SLF1: variants seen among roughly 807,000 people sequenced by gnomAD.
SLF1 encodes SMC5/6 complex localization factor 1.
A neutral mutation model predicts 123.0 loss-of-function variants in SLF1; 105 were observed. That is an observed-to-expected ratio of 0.85 (90% CI 0.73 to 1.00). The LOEUF is 1.00. Among genes scored for constraint, SLF1 ranks in the 50% least tolerant of loss-of-function variants. The pLI, the probability that SLF1 is intolerant of heterozygous loss-of-function variation, is 0.00. For missense variants in SLF1, 1,239 were observed against 1,223.0 expected, an observed-to-expected ratio of 1.01 and a Z score of -0.20; for synonymous variants, 434 against 406.6, an observed-to-expected ratio of 1.07 and a Z score of -0.81.
intron 4 of SLF1, among the ~76,000 whole-genome samples, chr5:94,640,281 T>G (rs2152472251): frequency 6.6e-6 from 1 of 152,330 alleles, no homozygotes; most frequent in East Asian, 1.9e-4. Context: ...GACAGTTTTT[T>G]TCACTTTAAT....
At chr5:94,679,721 C>G (rs929701617) in intron 15 of SLF1, among the ~76,000 whole-genome samples, 1 of 152,026 alleles carries the variant, frequency 6.6e-6, no homozygotes, top group Non-Finnish European at 1.5e-5. Flanking sequence ...TTTCACTCTT[C>G]TTTTCTCCCC....
At chr5:94,628,736 T>G (rs1744889430) in intron 1 of SLF1, 75 bp from the exon 2 acceptor site, 2 of 943,404 alleles carry the variant, frequency 2.1e-6, no homozygotes, top group Non-Finnish European at 3.0e-6. Context: ...GTACTCATAG[T>G]TAAGAAAAAA....
At chr5:94,666,953 C>CTTTTTTTTTTTTTTTTTTTTTT (rs34215806) in intron 12 of SLF1, among the ~76,000 whole-genome samples, 1 of 104,618 alleles carries the variant, frequency 9.6e-6, no homozygotes, top group Non-Finnish European at 1.8e-5. Flanking sequence ...CTGGGAAGAT[C>CTTTTTTTTTTTTTTTTTTTTTT]TTTTTTTTTT....
At chr5:94,639,833 G>A (rs1379227150) in intron 4 of SLF1, among the ~76,000 whole-genome samples, 1 of 152,136 alleles carries the variant, frequency 6.6e-6, no homozygotes, top group Non-Finnish European at 1.5e-5. Flanking sequence ...CTGTCTCAAG[G>A]GTAGCAGAGG....
chr5:94,644,544 T>G (rs1045927962), intron 5 of SLF1, among the ~76,000 whole-genome samples: 2 of 152,154 alleles, frequency 1.3e-5, no homozygotes, highest in African/African-American at 4.8e-5. Flanking sequence ...TCTCCCAGTG[T>G]CTTAAATAAG....
At chr5:94,627,122 C>T (rs543503046) in intron 1 of SLF1, among the ~76,000 whole-genome samples, 2 of 152,188 alleles carry the variant, frequency 1.3e-5, no homozygotes, top group Middle Eastern at 3.4e-3. Context: ...TCACCAGTTG[C>T]GTGCTATTAG....
intron 15 of SLF1, among the ~76,000 whole-genome samples, chr5:94,680,218 C>G (rs532276021): frequency 6.6e-6 from 1 of 152,248 alleles, no homozygotes; most frequent in South Asian, 2.1e-4. Flanking sequence ...AGGATTTATT[C>G]GATGATGCCC....
At chr5:94,623,866 A>G (rs1792007045) in intron 1 of SLF1, among the ~76,000 whole-genome samples, 1 of 152,184 alleles carries the variant, frequency 6.6e-6, no homozygotes, top group African/African-American at 2.4e-5. Context: ...ATCAATCAGT[A>G]TATCTATACA....
In SLF1 at chr5:94,651,588, A is replaced by G. The variant is rs6871423; in HGVS notation, c.739-114A>G. ...CTTTACTCTATTTAACCTTGTATGT[A>G]TATTTTACAAAATCTATGTTCCTGG... On this transcript the variant is annotated intron_variant, in intron 6 of 20. Transcript: ENST00000265140. 4,233 of 759,446 alleles carry G rather than the reference A, an allele frequency of 5.6e-3. 137 individuals carry two copies. In the African/African-American group the frequency reaches 0.071, roughly 13 times the overall value. 47.0% of individuals were successfully genotyped at this position (759,446 alleles called of 1,614,324 possible).
intron 8 of SLF1, 123 bp downstream of exon 8, chr5:94,653,544 A>AC: frequency 1.2e-6 from 1 of 807,158 alleles, no homozygotes; most frequent in Non-Finnish European, 1.8e-6. Context: ...TGTAATATTC[A>AC]TAGTTAATAT....
Position 94,666,865 on chromosome 5 carries a change from G to A in SLF1, c.1532+841G>A, listed in dbSNP as rs113068471. Among the ~76,000 whole-genome samples, 548 of 151,288 alleles carry A rather than the reference G, an allele frequency of 3.6e-3. 2 individuals carry two copies. Among genetic ancestry groups the A allele is most frequent in the African/African-American group, 0.013 (530 of 41,250 alleles). On this transcript the variant is annotated intron_variant, in intron 12 of 20. Transcript: ENST00000265140. ...TTACCATGTTGGCCAGGCTGGTCTC[G>A]AATTGCTGGCCTCAAGTGATCTGCC...
chr5:94,694,014 A>C, intron 20 of SLF1, among the ~76,000 whole-genome samples: 1 of 151,886 alleles, frequency 6.6e-6, no homozygotes, highest in South Asian at 2.1e-4. Context: ...TTATAATTGT[A>C]GGACCTAGTG....
chr5:94,627,600 A>ATATATATG (rs1554061278), intron 1 of SLF1, among the ~76,000 whole-genome samples: 1 of 125,856 alleles, frequency 7.9e-6, no homozygotes, highest in African/African-American at 3.0e-5. Flanking sequence ...ATATATATAT[A>ATATATATG]TATATATATA....
At chr5:94,688,781 G>T (rs1400909833) in intron 17 of SLF1, 112 bp downstream of exon 17, 4 of 1,160,690 alleles carry the variant, frequency 3.4e-6, no homozygotes, top group East Asian at 5.1e-5. Context: ...ATACTGATTA[G>T]ATCAAAACTC....
At chr5:94,660,579 T>G (rs1394353671) in intron 9 of SLF1, among the ~76,000 whole-genome samples, 1 of 152,154 alleles carries the variant, frequency 6.6e-6, no homozygotes, top group Non-Finnish European at 1.5e-5. Flanking sequence ...CACGTCCTCG[T>G]ATTGTGCATT....
intron 15 of SLF1, among the ~76,000 whole-genome samples, chr5:94,683,509 G>T (rs894753505): frequency 2.0e-5 from 3 of 152,172 alleles, no homozygotes; most frequent in Admixed American, 6.5e-5. Flanking sequence ...GAAAAACTAG[G>T]TGTTGAGATT....
rs566396193 is a variant in SLF1, at chr5:94,663,899, C to A, written c.1359C>A (p.Asn453Lys). 4 of 1,530,230 alleles carry A rather than the reference C, an allele frequency of 2.6e-6. No homozygotes were observed. The highest frequency in any genetic ancestry group is 2.2e-5 in the Admixed American group (1 of 45,716). The allele number at this position is 1,530,230 out of a possible 1,614,324, so 94.8% of individuals were successfully genotyped here. A position where few individuals can be genotyped will look rare whatever the true frequency, so the allele number is the denominator to read the frequency against. Residue 453 changes from asparagine to lysine, a missense_variant, in exon 11 of 21, where the codon AAC becomes AAA. By Grantham distance (94) the Asn-to-Lys change is moderately conservative. Transcript: ENST00000265140. ...GCGTTCTTCATGCCCTTCTAGAGAA[C>A]GTTCTACAGGTAAGAGCAGCCTTAA... ...PVCVLHALLE[N>K]VLQDNIDTFS...
chr5:94,681,684 TC>T (rs1751793637), intron 15 of SLF1, among the ~76,000 whole-genome samples: 2 of 143,552 alleles, frequency 1.4e-5, no homozygotes, highest in South Asian at 4.9e-4. Context: ...AGTGTGATGT[TC>T]CCCTTCCTGT....
chr5:94,686,483 G>A, intron 15 of SLF1, 90 bp from the exon 16 acceptor site: 1 of 1,393,290 alleles, frequency 7.2e-7, no homozygotes, highest in Non-Finnish European at 9.9e-7. Context: ...GCTCTCATTT[G>A]ACAGAATAAA....
Sources: gnomAD v4.1 joint callset for allele counts (sites outside exome capture counted in the v4.1 genomes callset) on GRCh38, gnomAD v4.1.1 for gene constraint, MANE v1.5 for transcripts, NCBI Gene and HGNC (gene_info 2026-07-23, HGNC 2026-07-21) for gene names.